The following ELAPOR2 variants were observed in gnomAD, a reference collection of about 807,000 sequenced individuals.
ELAPOR2 encodes the protein endosome/lysosome-associated apoptosis and autophagy regulator family member 2.
ELAPOR2 carries 89 observed loss-of-function variants against 120.7 expected under a neutral mutation model. The observed-to-expected ratio is 0.74, with a 90% CI of 0.62 to 0.88. The LOEUF is 0.88. Ranked by LOEUF, ELAPOR2 falls within the 40% of genes least tolerant of loss-of-function variation. The pLI is 0.00. For synonymous variants in ELAPOR2, 444 were observed against 444.9 expected (o/e 1.00, Z 0.03); for missense variants, 1,134 against 1,251.6 (o/e 0.91, Z 1.42).
intron 1 of ELAPOR2, among the ~76,000 whole-genome samples, chr7:87,052,562 G>T (rs1027169067): frequency 3.9e-5 from 6 of 152,212 alleles, no homozygotes; most frequent in Non-Finnish European, 7.4e-5. Flanking sequence ...ATTTTAGTAG[G>T]TTGTGCACAG....
chr7:86,912,521 C>G (rs577390882), intron 14 of ELAPOR2, among the ~76,000 whole-genome samples: 2 of 152,228 alleles, frequency 1.3e-5, no homozygotes, highest in East Asian at 1.9e-4. Context: ...AATTCTGTTA[C>G]GTAAATTTAA....
intron 3 of ELAPOR2, among the ~76,000 whole-genome samples, chr7:86,947,039 C>T (rs1791040123): frequency 6.6e-6 from 1 of 152,102 alleles, no homozygotes. Context: ...AAATAATTCC[C>T]CAGCATCCTT....
intron 1 of ELAPOR2, among the ~76,000 whole-genome samples, chr7:86,981,688 A>T (rs1792495658): frequency 6.6e-6 from 1 of 152,172 alleles, no homozygotes; most frequent in African/African-American, 2.4e-5. Context: ...TACTTTCTTC[A>T]GTTCCAAGAT....
At chr7:87,047,488 A>G (rs571368054) in intron 1 of ELAPOR2, among the ~76,000 whole-genome samples, 1 of 152,230 alleles carries the variant, frequency 6.6e-6, no homozygotes, top group Non-Finnish European at 1.5e-5. Context: ...TAGGAAAAAA[A>G]TCTAATAATC....
At chr7:86,908,136 C>A (rs368229106) in intron 17 of ELAPOR2, among the ~76,000 whole-genome samples, 1 of 145,956 alleles carries the variant, frequency 6.9e-6, no homozygotes, top group Non-Finnish European at 1.5e-5. Flanking sequence ...CTCTTTACTG[C>A]CAATGTAAGT....
intron 1 of ELAPOR2, among the ~76,000 whole-genome samples, chr7:87,032,775 G>C (rs555854371): frequency 6.6e-6 from 1 of 152,130 alleles, no homozygotes; most frequent in Non-Finnish European, 1.5e-5. Flanking sequence ...GCATAAAAAG[G>C]AAGTTTCTCA....
chr7:86,944,142 C>A (rs559602274), intron 4 of ELAPOR2, among the ~76,000 whole-genome samples: 5 of 152,162 alleles, frequency 3.3e-5, no homozygotes, highest in African/African-American at 1.2e-4. Flanking sequence ...AAGATAGTCT[C>A]CCATCTATAA....
At position 86,879,122 on chromosome 7, in the gene ELAPOR2, G is replaced by C. The variant is rs1359167584; in HGVS notation, c.*1349C>G. The C allele has an allele frequency of 2.6e-5, 4 of 152,020 alleles. No homozygotes were observed. The highest frequency in any genetic ancestry group is 5.9e-5 in the Non-Finnish European group (4 of 67,994). 9.4% of individuals were successfully genotyped at this position (152,020 alleles called of 1,614,324 possible). A position where few individuals can be genotyped will look rare whatever the true frequency, so the allele number is the denominator to read the frequency against. ...TTAAATCTGCATTAAGGTCTATAAAGATTACTGTTTATTGGAAACAAATAA... is the reference window on the plus strand; with the variant it reads ...TTAAATCTGCATTAAGGTCTATAAACATTACTGTTTATTGGAAACAAATAA... On this transcript the variant is annotated 3_prime_UTR_variant, in exon 22 of 22. Coordinates refer to ENST00000450689, the MANE Select transcript of ELAPOR2 (RefSeq NM_001142749.3).
chr7:86,971,260 T>A (rs1792100104), intron 1 of ELAPOR2, among the ~76,000 whole-genome samples: 1 of 152,238 alleles, frequency 6.6e-6, no homozygotes, highest in Non-Finnish European at 1.5e-5. Context: ...CATCTTATGG[T>A]CTATGTTCCA....
intron 1 of ELAPOR2, among the ~76,000 whole-genome samples, chr7:86,989,979 G>T (rs1792887481): frequency 6.6e-6 from 1 of 151,964 alleles, no homozygotes; most frequent in South Asian, 2.1e-4. Context: ...AATCCCCACT[G>T]TGACAGTATT....
At chr7:86,993,382 C>T (rs1278744962) in intron 1 of ELAPOR2, among the ~76,000 whole-genome samples, 1 of 152,044 alleles carries the variant, frequency 6.6e-6, no homozygotes, top group Non-Finnish European at 1.5e-5. Context: ...AGGAATATGA[C>T]AGTGAATGAG....
intron 1 of ELAPOR2, among the ~76,000 whole-genome samples, chr7:87,032,075 G>A (rs150599459): frequency 6.6e-5 from 10 of 152,196 alleles, no homozygotes; most frequent in African/African-American, 1.7e-4. Context: ...AAACTTTTGG[G>A]GATGTTGAAA....
chr7:86,944,535 A>C (rs1297631347), intron 4 of ELAPOR2, among the ~76,000 whole-genome samples: 1 of 152,146 alleles, frequency 6.6e-6, no homozygotes, highest in Non-Finnish European at 1.5e-5. Context: ...TTGGTTTAAA[A>C]AACACAGTTT....
chr7:86,925,599 C>T lies in ELAPOR2; in HGVS notation c.1328G>A (p.Trp443Ter). 1 of 1,612,078 alleles carries T rather than the reference C, an allele frequency of 6.2e-7. No individual in the cohort carries two copies. ...TTTCATGTTGCCAGGAAGGACATTCCACCATTTATATTCAAAGCCAAGTGC... is the reference window on the plus strand; with the variant it reads ...TTTCATGTTGCCAGGAAGGACATTCTACCATTTATATTCAAAGCCAAGTGC... The part of the protein sequence containing the change: ...EPALGFEYKW[W>*]NVLPGNMKTS... Residue 443 changes from tryptophan to a stop codon, truncating the protein, a stop_gained, in exon 10 of 22, where the codon TGG becomes TAG. Coordinates refer to ENST00000450689, the MANE Select transcript of ELAPOR2 (RefSeq NM_001142749.3). LOFTEE classifies it high-confidence loss of function.
intron 21 of ELAPOR2, among the ~76,000 whole-genome samples, chr7:86,882,814 C>T (rs959081167): frequency 1.6e-4 from 24 of 152,052 alleles, no homozygotes; most frequent in Admixed American, 1.2e-3. Flanking sequence ...AAGTGAACCT[C>T]GCGAGGTCTC....
At chr7:86,988,141 G>A (rs1010058626) in intron 1 of ELAPOR2, among the ~76,000 whole-genome samples, 1 of 152,130 alleles carries the variant, frequency 6.6e-6, no homozygotes, top group Non-Finnish European at 1.5e-5. Context: ...CTTGCGAACT[G>A]AACAATGAGA....
rs75815966 is a variant in ELAPOR2, at chr7:86,898,643, G to A, written c.2559-1011C>T. On this transcript the variant is annotated intron_variant, in intron 18 of 21. Coordinates refer to ENST00000450689, the MANE Select transcript of ELAPOR2 (RefSeq NM_001142749.3). ...GCTGAGTCTAGAATATTTGGTAGGA[G>A]TTAGCCAGAATAGAAAAGAAGAAAG... Among the ~76,000 whole-genome samples the A allele has an allele frequency of 5.7e-3, 864 of 150,898 alleles. 11 individuals carry two copies. The highest frequency in any genetic ancestry group is 0.019 in the African/African-American group (801 of 41,102).
intron 2 of ELAPOR2, among the ~76,000 whole-genome samples, chr7:86,948,906 T>C (rs1791117456): frequency 6.6e-6 from 1 of 152,120 alleles, no homozygotes; most frequent in African/African-American, 2.4e-5. Flanking sequence ...AATTACCCAG[T>C]GAAGAAAAAC....
At chr7:86,939,038 C>T in intron 6 of ELAPOR2, 78 bp from the exon 7 acceptor site, 2 of 1,486,334 alleles carry the variant, frequency 1.3e-6, no homozygotes, top group Non-Finnish European at 9.3e-7. Context: ...TCTGCTTCTA[C>T]CCAGAAGTGA....
Sources: allele counts gnomAD v4.1 joint callset (sites outside exome capture counted in the v4.1 genomes callset), GRCh38; gene constraint gnomAD v4.1.1; transcripts MANE v1.5; gene names NCBI Gene and HGNC (gene_info 2026-07-23, HGNC 2026-07-21).